The following SCHIP1 variants were observed in gnomAD, a reference collection of about 807,000 sequenced individuals.
SCHIP1 encodes the protein schwannomin interacting protein 1.
In SCHIP1, 8 loss-of-function variants were observed where a neutral mutation model predicts 29.7. The observed-to-expected ratio is 0.27, with a 90% CI of 0.16 to 0.49. SCHIP1 has a LOEUF of 0.49. SCHIP1 is among the 20% of genes least tolerant of loss of function. The pLI is 0.99. For missense variants in SCHIP1, 193 were observed against 294.6 expected (o/e 0.66, Z 2.52); for synonymous variants, 76 against 94.9 (o/e 0.80, Z 1.16).
the SCHIP1 span, among the ~76,000 whole-genome samples, chr3:159,513,237 TG>T: frequency 2.1e-4 from 32 of 152,288 alleles, no homozygotes; most frequent in African/African-American, 7.5e-4. Context: ...AGATTTGATG[TG>T]GGGGGTACAA....
chr3:159,518,042 T>G, the SCHIP1 span, among the ~76,000 whole-genome samples: 1 of 152,132 alleles, frequency 6.6e-6, no homozygotes, highest in South Asian at 2.1e-4. Context: ...TATAATGTAA[T>G]TGTATACAAC....
the SCHIP1 span, among the ~76,000 whole-genome samples, chr3:159,548,526 T>C: frequency 6.6e-6 from 1 of 151,944 alleles, no homozygotes; most frequent in Non-Finnish European, 1.5e-5. Context: ...TATCTTCTTT[T>C]AGAACTCCAA....
At chr3:159,529,977 T>C in the SCHIP1 span, among the ~76,000 whole-genome samples, 1 of 152,366 alleles carries the variant, frequency 6.6e-6, no homozygotes, top group East Asian at 1.9e-4. Flanking sequence ...TCTGAATATA[T>C]ACCATGTTTT....
At chr3:159,421,145 C>A in the SCHIP1 span, among the ~76,000 whole-genome samples, 1 of 152,198 alleles carries the variant, frequency 6.6e-6, no homozygotes, top group Non-Finnish European at 1.5e-5. Flanking sequence ...GACATCTTTA[C>A]CTGCTGTGTT....
chr3:159,551,694 C>T, the SCHIP1 span, among the ~76,000 whole-genome samples: 3 of 152,034 alleles, frequency 2.0e-5, no homozygotes, highest in East Asian at 5.8e-4. Flanking sequence ...GGTCTTTATA[C>T]TGCTATATTA....
chr3:159,804,142 CCT>C, the SCHIP1 span, among the ~76,000 whole-genome samples: 76 of 152,308 alleles, frequency 5.0e-4, no homozygotes, highest in African/African-American at 1.6e-3. Flanking sequence ...CTCCCTTCAC[CCT>C]CTCAGTGATT....
chr3:159,295,387 C>G, the SCHIP1 span, among the ~76,000 whole-genome samples: 1 of 152,014 alleles, frequency 6.6e-6, no homozygotes, highest in Non-Finnish European at 1.5e-5. Context: ...CGAGATCACG[C>G]CATTGCACTC....
At chr3:159,511,786 G>T in the SCHIP1 span, among the ~76,000 whole-genome samples, 1 of 152,062 alleles carries the variant, frequency 6.6e-6, no homozygotes, top group African/African-American at 2.4e-5. Flanking sequence ...TAAGACTATT[G>T]ATTTTCTAGA....
the SCHIP1 span, among the ~76,000 whole-genome samples, chr3:159,300,642 G>A: frequency 3.9e-5 from 6 of 152,124 alleles, no homozygotes; most frequent in African/African-American, 1.2e-4. Context: ...CTTTTGCACC[G>A]ACTACAATGG....
At chr3:159,461,499 T>C in the SCHIP1 span, among the ~76,000 whole-genome samples, 12 of 152,274 alleles carry the variant, frequency 7.9e-5, no homozygotes, top group Admixed American at 7.2e-4. Context: ...TCATATAGAT[T>C]ACATATAAGT....
chr3:159,353,119 A>G, the SCHIP1 span, among the ~76,000 whole-genome samples: 1 of 152,116 alleles, frequency 6.6e-6, no homozygotes, highest in South Asian at 2.1e-4. Context: ...GCTTAGTTAT[A>G]AAACCAGCTA....
chr3:159,785,706 CAACT>C, the SCHIP1 span, among the ~76,000 whole-genome samples: 1 of 151,888 alleles, frequency 6.6e-6, no homozygotes, highest in African/African-American at 2.4e-5. Flanking sequence ...AAAAGCCACC[CAACT>C]GTCAAAAGAA....
the SCHIP1 span, among the ~76,000 whole-genome samples, chr3:159,809,277 G>A: frequency 6.6e-6 from 1 of 151,972 alleles, no homozygotes; most frequent in Non-Finnish European, 1.5e-5. Context: ...TTAGAATGAT[G>A]GTTCCAAGTT....
chr3:159,871,520 C>T (rs545912116), intron 2 of SCHIP1, among the ~76,000 whole-genome samples: 13 of 152,260 alleles, frequency 8.5e-5, no homozygotes, highest in Non-Finnish European at 1.6e-4. Flanking sequence ...AATACATAAT[C>T]ACTAAATATT....
At chr3:159,512,578 G>A in the SCHIP1 span, among the ~76,000 whole-genome samples, 7 of 152,134 alleles carry the variant, frequency 4.6e-5, no homozygotes, top group East Asian at 1.9e-4. Context: ...TAATTTCTGT[G>A]GGTACATAGT....
the SCHIP1 span, among the ~76,000 whole-genome samples, chr3:159,674,301 C>G: frequency 6.6e-6 from 1 of 152,072 alleles, no homozygotes; most frequent in Non-Finnish European, 1.5e-5. Flanking sequence ...CTAGAAGGGT[C>G]AGGGAGAGGG....
the SCHIP1 span, among the ~76,000 whole-genome samples, chr3:159,284,399 A>C: frequency 6.6e-6 from 1 of 152,198 alleles, no homozygotes; most frequent in African/African-American, 2.4e-5. Context: ...TTTTATAAGA[A>C]TCAGCTATTG....
At chr3:159,597,805 G>A in the SCHIP1 span, among the ~76,000 whole-genome samples, 1 of 152,178 alleles carries the variant, frequency 6.6e-6, no homozygotes, top group African/African-American at 2.4e-5. Flanking sequence ...TAATGAGATT[G>A]CTGGATTGAA....
chr3:159,806,210 C>T, the SCHIP1 span, among the ~76,000 whole-genome samples: 1 of 152,064 alleles, frequency 6.6e-6, no homozygotes, highest in East Asian at 1.9e-4. Context: ...CACATCTAAG[C>T]AGCTGCTTTT....
Sources: allele counts gnomAD v4.1 joint callset (sites outside exome capture counted in the v4.1 genomes callset), GRCh38; gene constraint gnomAD v4.1.1; transcripts MANE v1.5; gene names NCBI Gene and HGNC (gene_info 2026-07-23, HGNC 2026-07-21).